Variants in SEC22C observed in about 807,000 individuals in gnomAD.
SEC22C encodes vesicle-trafficking protein SEC22c.
SEC22C carries 29 observed loss-of-function variants against 34.7 expected under a neutral mutation model. The ratio of observed to expected loss-of-function variants is 0.84; its 90% CI spans 0.62 to 1.14. The LOEUF is 1.14. Among genes scored for constraint, SEC22C ranks in the 50% most tolerant of loss-of-function variants. The pLI is 0.00. For synonymous variants in SEC22C, 117 were observed against 132.8 expected (o/e 0.88, Z 0.82); for missense variants, 337 against 369.0 (o/e 0.91, Z 0.71).
At position 42,549,030 on chromosome 3, in the gene SEC22C, C is replaced by T. The variant is rs913134447; in HGVS notation, c.*4218G>A. 1.2e-5 allele frequency: 12 copies of T among 984,090 alleles called. No homozygotes were observed. Among genetic ancestry groups the T allele is most frequent in the Non-Finnish European group, 1.4e-5 (11 of 814,118 alleles). 61.0% of individuals were successfully genotyped at this position (984,090 alleles called of 1,614,324 possible). A position where few individuals can be genotyped will look rare whatever the true frequency, so the allele number is the denominator to read the frequency against. On this transcript the variant is annotated 3_prime_UTR_variant, in exon 7 of 7. Transcript: ENST00000264454. ...CTGATGGGCAGTGATTTGTGCACTGCGACATAGGACTCAGTGAAGAGCCTA... is the reference window on the plus strand; with the variant it reads ...CTGATGGGCAGTGATTTGTGCACTGTGACATAGGACTCAGTGAAGAGCCTA...
intron 2 of SEC22C, 23 bp from the exon 3 acceptor site, chr3:42,563,709 G>GT (rs1703063020): frequency 6.2e-7 from 1 of 1,613,014 alleles, no homozygotes. Context: ...GGCAATATCT[G>GT]TATTACCAGG....
intron 1 of SEC22C, chr3:42,594,487 G>C: frequency 6.2e-7 from 1 of 1,613,826 alleles, no homozygotes; most frequent in Non-Finnish European, 8.5e-7. Context: ...AGTCCAACCA[G>C]CACTTCAAAA....
chr3:42,554,084 A>G (rs1702382892), intron 6 of SEC22C, among the ~76,000 whole-genome samples: 1 of 151,922 alleles, frequency 6.6e-6, no homozygotes, highest in South Asian at 2.1e-4. Context: ...ATTTTGGTTC[A>G]ATGCTTTGTT....
At chr3:42,585,065 G>A (rs1704567593), upstream of SEC22C, among the ~76,000 whole-genome samples, 1 of 152,150 alleles carries the variant, frequency 6.6e-6, no homozygotes, top group South Asian at 2.1e-4. Flanking sequence ...GGAGGAGGAG[G>A]CTGCAGTAAG....
rs775949196 is a variant in SEC22C, at chr3:42,553,166, G to A, written c.*82C>T. On this transcript the variant is annotated 3_prime_UTR_variant, in exon 7 of 7. Coordinates refer to ENST00000264454, the MANE Select transcript of SEC22C (RefSeq NM_032970.4). ...TTGGCTGAAAAGGATGGAAACTGGAGTGTAAAGTAGAGAAGCAGAAAGAGA... is the reference window on the plus strand; with the variant it reads ...TTGGCTGAAAAGGATGGAAACTGGAATGTAAAGTAGAGAAGCAGAAAGAGA... 1.9e-6 allele frequency: 3 copies of A among 1,556,758 alleles called. No homozygotes were observed. Among genetic ancestry groups the A allele is most frequent in the Admixed American group, 1.9e-5 (1 of 53,972 alleles).
chr3:42,590,504 G>T (rs1704782571), intron 1 of SEC22C, among the ~76,000 whole-genome samples: 1 of 151,912 alleles, frequency 6.6e-6, no homozygotes, highest in Non-Finnish European at 1.5e-5. Context: ...GCGGGCGCCT[G>T]TAGTCCCAGG....
In SEC22C at chr3:42,552,835, A is replaced by C; in HGVS notation, c.*413T>G. On this transcript the variant is annotated 3_prime_UTR_variant, in exon 7 of 7. Coordinates refer to ENST00000264454, the MANE Select transcript of SEC22C (RefSeq NM_032970.4). ...AAAAAAAACTAATCAAGTTATGTTT[A>C]GACTGAAAGCTGATTTGGATTTTAA... is the stretch of plus-strand genomic sequence containing the variant. 1 of 1,021,240 alleles carries C rather than the reference A, an allele frequency of 9.8e-7. No individual in the cohort carries two copies. The highest frequency in any genetic ancestry group is 1.0e-4 in the East Asian group (1 of 9,816). 63.3% of individuals were successfully genotyped at this position (1,021,240 alleles called of 1,614,324 possible).
chr3:42,566,233 C>T (rs1703228902), intron 2 of SEC22C, among the ~76,000 whole-genome samples: 1 of 152,142 alleles, frequency 6.6e-6, no homozygotes, highest in Admixed American at 6.5e-5. Flanking sequence ...GCTGCATGTG[C>T]CTATTATTTG....
At position 42,548,279 on chromosome 3, in the gene SEC22C, G is replaced by A. The variant is rs1043919175; in HGVS notation, c.*4969C>T. The A allele has an allele frequency of 7.6e-6, 2 of 264,752 alleles. No individual in the cohort carries two copies. Among genetic ancestry groups the A allele is most frequent in the African/African-American group, 4.3e-5 (2 of 46,050 alleles). 16.4% of individuals were successfully genotyped at this position (264,752 alleles called of 1,614,324 possible). ...CCATTAAACAAAATAGAATCCTGGGGGATCAAATCATATGAATGATTCATG... is the reference window on the plus strand; with the variant it reads ...CCATTAAACAAAATAGAATCCTGGGAGATCAAATCATATGAATGATTCATG... On this transcript the variant is annotated 3_prime_UTR_variant, in exon 7 of 7. Transcript: ENST00000264454.
upstream of SEC22C, among the ~76,000 whole-genome samples, chr3:42,584,902 A>C (rs202018191): frequency 6.6e-6 from 1 of 152,112 alleles, no homozygotes; most frequent in Non-Finnish European, 1.5e-5. Context: ...TTGGGAGGCC[A>C]AGGTGGGTGG....
In SEC22C at chr3:42,550,870, T is replaced by C. The variant is rs1702220307; in HGVS notation, c.*2378A>G. The C allele has an allele frequency of 3.9e-6, 1 of 253,912 alleles. No homozygotes were observed. Among genetic ancestry groups the C allele is most frequent in the Non-Finnish European group, 4.6e-6 (1 of 219,056 alleles). 15.7% of individuals were successfully genotyped at this position (253,912 alleles called of 1,614,324 possible). A position where few individuals can be genotyped will look rare whatever the true frequency, so the allele number is the denominator to read the frequency against. ...CATTTTTAAGCCGTTCTTACCGACT[T>C]TTTTTTTTTTTTTTTTTGAGACGGA... On this transcript the variant is annotated 3_prime_UTR_variant, in exon 7 of 7. Coordinates refer to ENST00000264454, the MANE Select transcript of SEC22C (RefSeq NM_032970.4).
rs202190234 is a variant in SEC22C, at chr3:42,553,259, A to G, written c.901T>C (p.Cys301Arg). The change falls in exon 7 of 7, where the codon TGT becomes CGT. Residue 301 changes from cysteine to arginine, a missense_variant. By Grantham distance (180) the Cys-to-Arg change is radical. Coordinates refer to ENST00000264454, the MANE Select transcript of SEC22C (RefSeq NM_032970.4). ...TRQLQEKQSD[C>R]GV ...TCACAGTGTCATCCTCATACTCCAC[A>G]GTCAGACTGCTTCTCCTGAAGCTGC... The G allele has an allele frequency of 2.4e-4, 392 of 1,614,050 alleles. No individual in the cohort carries two copies. The highest frequency in any genetic ancestry group is 3.0e-4 in the Non-Finnish European group (358 of 1,180,048).
chr3:42,557,337 A>G (rs1234462897), intron 5 of SEC22C, among the ~76,000 whole-genome samples: 2 of 152,326 alleles, frequency 1.3e-5, no homozygotes, highest in East Asian at 1.9e-4. Context: ...ATGTCCTTGT[A>G]GCAAATTCTC....
chr3:42,560,165 A>G (rs1179500501), intron 4 of SEC22C, among the ~76,000 whole-genome samples: 1 of 145,572 alleles, frequency 6.9e-6, no homozygotes, highest in African/African-American at 2.5e-5. Context: ...TATATATTAT[A>G]TATATTTTAT....
intron 4 of SEC22C, among the ~76,000 whole-genome samples, 155 bp from the exon 5 acceptor site, chr3:42,557,851 A>AG (rs1702624872): frequency 6.6e-6 from 1 of 152,270 alleles, no homozygotes; most frequent in Admixed American, 6.5e-5. Context: ...CAGAAGTTAG[A>AG]GGGAAAAAAG....
In SEC22C at chr3:42,553,459, A is replaced by C. The variant is rs1230154879; in HGVS notation, c.712-11T>G. The C allele has an allele frequency of 6.2e-7, 1 of 1,610,940 alleles. No individual in the cohort carries two copies. The highest frequency in any genetic ancestry group is 1.7e-5 in the Admixed American group (1 of 59,510). ...CAGGTACAAATAACACTGAAATGAG[A>C]CCAGAAGAGGAATTCCAATCAGAGA... On this transcript the variant is annotated splice_polypyrimidine_tract_variant and intron_variant, in intron 6 of 6. Coordinates refer to ENST00000264454, the MANE Select transcript of SEC22C (RefSeq NM_032970.4).
At chr3:42,560,760 T>G (rs892392254) in intron 4 of SEC22C, among the ~76,000 whole-genome samples, 11 of 152,064 alleles carry the variant, frequency 7.2e-5, no homozygotes, top group African/African-American at 2.7e-4. Context: ...TACTTCAGTC[T>G]CTGCAGTAGC....
chr3:42,570,183 T>C (rs978355200), intron 1 of SEC22C, among the ~76,000 whole-genome samples: 1 of 152,284 alleles, frequency 6.6e-6, no homozygotes, highest in African/African-American at 2.4e-5. Flanking sequence ...AACCCCAAGA[T>C]GCACACTACT....
At chr3:42,577,235 A>G (rs1704025668) in intron 1 of SEC22C, among the ~76,000 whole-genome samples, 3 of 152,196 alleles carry the variant, frequency 2.0e-5, no homozygotes, top group Admixed American at 6.5e-5. Flanking sequence ...AGCATAATCC[A>G]TAAGATAATT....
Sources: gnomAD v4.1 joint callset for allele counts (sites outside exome capture counted in the v4.1 genomes callset) on GRCh38, gnomAD v4.1.1 for gene constraint, MANE v1.5 for transcripts, NCBI Gene and HGNC (gene_info 2026-07-23, HGNC 2026-07-21) for gene names.